The following ASAP3 variants were observed in gnomAD, a reference collection of about 807,000 sequenced individuals.
ASAP3 encodes the protein arf-GAP with SH3 domain, ANK repeat and PH domain-containing protein 3.
ASAP3 carries 85 observed loss-of-function variants against 118.2 expected under a neutral mutation model. The observed-to-expected ratio is 0.72, with a 90% CI of 0.60 to 0.86. ASAP3 has a LOEUF of 0.86. Ranked by LOEUF, ASAP3 falls within the 40% of genes least tolerant of loss-of-function variation. The pLI, the probability that ASAP3 is intolerant of heterozygous loss-of-function variation, is 0.00. For synonymous variants in ASAP3, 432 were observed against 477.4 expected, an observed-to-expected ratio of 0.90 and a Z score of 1.24; for missense variants, 1,026 against 1,175.0, an observed-to-expected ratio of 0.87 and a Z score of 1.85.
intron 4 of ASAP3, 126 bp downstream of exon 4, chr1:23,452,571 T>C: frequency 9.6e-7 from 1 of 1,045,016 alleles, no homozygotes; most frequent in Non-Finnish European, 1.5e-6. Context: ...CTCCCCAGGC[T>C]CATCACTCCC....
At chr1:23,461,100 G>T (rs530428002) in intron 1 of ASAP3, among the ~76,000 whole-genome samples, 1 of 152,254 alleles carries the variant, frequency 6.6e-6, no homozygotes, top group South Asian at 2.1e-4. Flanking sequence ...TTAGGGCAGG[G>T]AAACATTTCT....
At chr1:23,483,805 C>A (rs1462796056) in intron 1 of ASAP3, among the ~76,000 whole-genome samples, 200 bp downstream of exon 1, 1 of 152,212 alleles carries the variant, frequency 6.6e-6, no homozygotes, top group Non-Finnish European at 1.5e-5. Context: ...CGAGGCCCCC[C>A]AAAACGGTCC....
intron 5 of ASAP3, among the ~76,000 whole-genome samples, chr1:23,444,545 G>A (rs868387413): frequency 1.3e-5 from 2 of 152,198 alleles, no homozygotes; most frequent in African/African-American, 2.4e-5. Flanking sequence ...TCTGGAAAAC[G>A]GAGATTCTTA....
chr1:23,450,638 T>C (rs1465259033), intron 5 of ASAP3, among the ~76,000 whole-genome samples: 4 of 152,014 alleles, frequency 2.6e-5, no homozygotes. Context: ...ACAGAGAGTA[T>C]TATCCGCCTG....
chr1:23,431,225 T>C (rs960891456), intron 23 of ASAP3, 100 bp from the exon 24 acceptor site: 7 of 1,296,510 alleles, frequency 5.4e-6, no homozygotes, highest in Non-Finnish European at 7.5e-6. Context: ...GGGCTTAGGA[T>C]GGGTGGGTAG....
chr1:23,449,810 G>A (rs1487886748), intron 5 of ASAP3, among the ~76,000 whole-genome samples: 52 of 152,186 alleles, frequency 3.4e-4, no homozygotes, highest in Non-Finnish European at 2.9e-5. Flanking sequence ...AATGCTACAG[G>A]AAGGCTCAAT....
chr1:23,476,374 G>T (rs1642130263), intron 1 of ASAP3, among the ~76,000 whole-genome samples: 1 of 150,888 alleles, frequency 6.6e-6, no homozygotes, highest in African/African-American at 2.4e-5. Flanking sequence ...AAGAAAAAAA[G>T]AAATGTGGGA....
At chr1:23,467,199 T>TTATTAC (rs1229344666) in intron 1 of ASAP3, among the ~76,000 whole-genome samples, 1 of 150,474 alleles carries the variant, frequency 6.6e-6, no homozygotes, top group Non-Finnish European at 1.5e-5. Flanking sequence ...ATTATTATTA[T>TTATTAC]TATTACTATT....
intron 1 of ASAP3, among the ~76,000 whole-genome samples, chr1:23,468,079 T>G (rs1464286991): frequency 6.6e-6 from 1 of 152,142 alleles, no homozygotes; most frequent in Admixed American, 6.5e-5. Context: ...GCAGTCATCA[T>G]TTTTGTTCCC....
At chr1:23,482,705 T>G (rs529847621) in intron 1 of ASAP3, among the ~76,000 whole-genome samples, 1 of 151,584 alleles carries the variant, frequency 6.6e-6, no homozygotes, top group East Asian at 1.9e-4. Flanking sequence ...TCCCAGCACT[T>G]TGGGAGGCCG....
intron 4 of ASAP3, 91 bp downstream of exon 4, chr1:23,452,606 C>T: frequency 7.1e-7 from 1 of 1,407,826 alleles, no homozygotes; most frequent in Non-Finnish European, 1.0e-6. Flanking sequence ...TTCACCTGGC[C>T]TCCACCCTCA....
Position 23,446,487 on chromosome 1 carries a change from G to T in ASAP3, c.474-3875C>A, listed in dbSNP as rs552149696. On this transcript the variant is annotated intron_variant, in intron 5 of 24. Coordinates refer to ENST00000336689, the MANE Select transcript of ASAP3 (RefSeq NM_017707.4). ...GGAGTTTTGCTTGTCACCCAGGCTA[G>T]AGTGCCATGGCGCCATCTCAGCTCA... is the stretch of plus-strand genomic sequence containing the variant. Among the ~76,000 whole-genome samples the T allele has an allele frequency of 3.0e-4, 45 of 148,420 alleles. 1 individual carries two copies. In the South Asian group the frequency reaches 7.8e-3, roughly 26 times the overall value.
intron 19 of ASAP3, among the ~76,000 whole-genome samples, chr1:23,434,053 T>C (rs535818119): frequency 6.6e-6 from 1 of 152,376 alleles, no homozygotes; most frequent in South Asian, 2.1e-4. Context: ...TATTTTCTTT[T>C]TTCTTTAGCA....
At chr1:23,456,920 G>A (rs1031421044) in intron 1 of ASAP3, among the ~76,000 whole-genome samples, 1 of 152,136 alleles carries the variant, frequency 6.6e-6, no homozygotes, top group African/African-American at 2.4e-5. Context: ...AAGCCCAGAG[G>A]CTGCAGAACA....
Position 23,436,523 on chromosome 1 carries a change from C to T in ASAP3, c.1571+37G>A, listed in dbSNP as rs369512684. 2 of 1,608,220 alleles carry T rather than the reference C, an allele frequency of 1.2e-6. No individual in the cohort carries two copies. The highest frequency in any genetic ancestry group is 1.7e-6 in the Non-Finnish European group (2 of 1,174,750). ...CTGGACACTGCGGAGGCAGAATCCC[C>T]TAGGCAGGGTGCCCCTCTCTCTGAG... On this transcript the variant is annotated intron_variant, in intron 16 of 24. Coordinates refer to ENST00000336689, the MANE Select transcript of ASAP3 (RefSeq NM_017707.4). This position sits in a 1 kb window ranked among gnomAD's most constrained non-coding sequence, Gnocchi z 4.2.
upstream of ASAP3, chr1:23,484,237 ACACGCCCCGCCCCTCCG>A (rs1446309049): frequency 3.4e-5 from 37 of 1,098,794 alleles, no homozygotes; most frequent in South Asian, 9.2e-5. Context: ...CCCGGCCTCC[ACACGCCCCGCCCCTCCG>A]CACGCCCCGC....
At chr1:23,482,265 T>C (rs1353128417) in intron 1 of ASAP3, among the ~76,000 whole-genome samples, 2 of 152,250 alleles carry the variant, frequency 1.3e-5, no homozygotes, top group Admixed American at 6.5e-5. Context: ...CTCACACCTA[T>C]AATCCTAGTA....
chr1:23,473,092 GCCTGCCTTTGTACACCACA>G (rs1642011835), intron 1 of ASAP3, among the ~76,000 whole-genome samples: 1 of 152,066 alleles, frequency 6.6e-6, no homozygotes, highest in Non-Finnish European at 1.5e-5. Context: ...TGCCCTCAGA[GCCTGCCTTTGTACACCACA>G]GGCATTCAGT....
chr1:23,452,555 C>T (rs1306198510), intron 4 of ASAP3, 142 bp downstream of exon 4: 5 of 895,522 alleles, frequency 5.6e-6, no homozygotes, highest in Non-Finnish European at 8.8e-6. Context: ...GCCAGGTCCT[C>T]CAGACCTCCC....
Sources: gnomAD v4.1 joint callset for allele counts (sites outside exome capture counted in the v4.1 genomes callset) on GRCh38, gnomAD v4.1.1 for gene constraint, Gnocchi (gnomAD v3.1) non-coding constraint, MANE v1.5 for transcripts, NCBI Gene and HGNC (gene_info 2026-07-23, HGNC 2026-07-21) for gene names.